ABCA4: variants seen among roughly 807,000 people sequenced by gnomAD.
ABCA4 encodes the protein ATP binding cassette subfamily A member 4, also known as retinal-specific phospholipid-transporting ATPase ABCA4.
Under a neutral mutation model 263.7 loss-of-function variants are expected in ABCA4, and 196 were observed. The ratio of observed to expected loss-of-function variants is 0.74; its 90% CI spans 0.66 to 0.84. The LOEUF is 0.84. Ranked by LOEUF, ABCA4 falls within the 40% of genes least tolerant of loss-of-function variation. The pLI is 0.00. For missense variants in ABCA4, 2,792 were observed against 2,855.1 expected, an observed-to-expected ratio of 0.98 and a Z score of 0.50; for synonymous variants, 1,133 against 1,094.2, an observed-to-expected ratio of 1.04 and a Z score of -0.70.
Position 94,030,949 on chromosome 1 carries a change from G to C in ABCA4, c.4253+47C>G, listed in dbSNP as rs184483315. The C allele has an allele frequency of 1.6e-3, 2,543 of 1,613,104 alleles. 42 individuals are homozygous for C. Among genetic ancestry groups the C allele is most frequent in the Non-Finnish European group, 1.1e-4 (128 of 1,179,690 alleles). ...GCCCTTCTAAGCAGCATGTGACCCA[G>C]GTGCCCCAAACCCACAGAGGAGAAT... is the stretch of plus-strand genomic sequence containing the variant. On this transcript the variant is annotated intron_variant, in intron 28 of 49. Coordinates refer to ENST00000370225, the MANE Select transcript of ABCA4 (RefSeq NM_000350.3).
chr1:94,005,285 A>C, intron 44 of ABCA4, 156 bp downstream of exon 44: 1 of 984,652 alleles, frequency 1.0e-6, no homozygotes, highest in South Asian at 1.5e-5. Context: ...GGTTTCTAGA[A>C]CAGTACTTGG....
In ABCA4 at chr1:94,021,376, C is replaced by T; in HGVS notation, c.4882G>A (p.Val1628Ile). 1 of 1,614,190 alleles carries T rather than the reference C, an allele frequency of 6.2e-7. No individual in the cohort carries two copies. Among genetic ancestry groups the T allele is most frequent in the Non-Finnish European group, 8.5e-7 (1 of 1,180,050 alleles). The change falls in exon 35 of 50, where the codon GTC (valine) becomes ATC (isoleucine). Residue 1628 changes from valine to isoleucine, a missense_variant. Physicochemically the swap from Val to Ile is conservative, Grantham distance 29. Coordinates refer to ENST00000370225, the MANE Select transcript of ABCA4 (RefSeq NM_000350.3). ...TTGTGGGCCACATTGAGAAAGCTGACCAGGGCATGCCAGCCTTTGTTATTA... is the reference window on the plus strand; with the variant it reads ...TTGTGGGCCACATTGAGAAAGCTGATCAGGGCATGCCAGCCTTTGTTATTA... ...WFNNKGWHALVSFLNVAHNAI... is the reference protein window; with the variant it reads ...WFNNKGWHALISFLNVAHNAI...
At chr1:94,112,404 T>TA (rs961520293) in intron 2 of ABCA4, among the ~76,000 whole-genome samples, 5 of 152,122 alleles carry the variant, frequency 3.3e-5, no homozygotes, top group African/African-American at 1.2e-4. Context: ...AGTTTAGGTA[T>TA]AAAAAAATAA....
chr1:94,023,861 A>G (rs1468421094), intron 31 of ABCA4, among the ~76,000 whole-genome samples: 3 of 152,216 alleles, frequency 2.0e-5, no homozygotes, highest in African/African-American at 7.2e-5. Flanking sequence ...AGGCACTGAC[A>G]TTCAGTCAAT....
chr1:94,021,028 C>T (rs1225066560), intron 35 of ABCA4, among the ~76,000 whole-genome samples: 1 of 152,250 alleles, frequency 6.6e-6, no homozygotes, highest in East Asian at 1.9e-4. Flanking sequence ...TGTAAACTTA[C>T]TTGCCACATA....
Position 94,021,220 on chromosome 1 carries a change from C to T in ABCA4, c.5018+20G>A, listed in dbSNP as rs752502551. On this transcript the variant is annotated intron_variant, in intron 35 of 49. Coordinates refer to ENST00000370225, the MANE Select transcript of ABCA4 (RefSeq NM_000350.3). ...AGAAGGTGACAAGAAAGTGGTGAGG[C>T]TGGGGCTGTGGTGGCTTACACTGTA... The T allele has an allele frequency of 6.2e-7, 1 of 1,614,046 alleles. No homozygotes were observed. Among genetic ancestry groups the T allele is most frequent in the Non-Finnish European group, 8.5e-7 (1 of 1,179,994 alleles).
chr1:94,118,888 G>C (rs1003660722), intron 1 of ABCA4, among the ~76,000 whole-genome samples: 1 of 152,222 alleles, frequency 6.6e-6, no homozygotes, highest in Non-Finnish European at 1.5e-5. Context: ...AGCGCCACAG[G>C]AATGGGCTCA....
intron 11 of ABCA4, among the ~76,000 whole-genome samples, chr1:94,064,572 G>A (rs147167252): frequency 3.3e-5 from 5 of 152,290 alleles, no homozygotes; most frequent in East Asian, 1.9e-4. Flanking sequence ...GAACCACTGC[G>A]GAGCTTTAAA....
chr1:94,015,985 A>G (rs1177810960), intron 36 of ABCA4, 131 bp from the exon 37 acceptor site: 1 of 815,262 alleles, frequency 1.2e-6, no homozygotes, highest in East Asian at 2.7e-5. Flanking sequence ...CTTTTTAAAC[A>G]GTTCTTGGTT....
At chr1:94,047,487 C>T (rs1432364378) in intron 18 of ABCA4, among the ~76,000 whole-genome samples, 1 of 152,190 alleles carries the variant, frequency 6.6e-6, no homozygotes, top group African/African-American at 2.4e-5. Flanking sequence ...TCAGAATGCA[C>T]TCACTGTCTA....
chr1:94,002,044 C>A (rs1571243189), intron 44 of ABCA4, 52 bp from the exon 45 acceptor site: 2 of 1,613,532 alleles, frequency 1.2e-6, no homozygotes, highest in East Asian at 4.5e-5. Flanking sequence ...ACACCCCAAA[C>A]CTCCCCCAGT....
chr1:94,046,999 C>G lies in ABCA4; in HGVS notation c.2838G>C (p.Val946=). The G allele has an allele frequency of 6.2e-7, 1 of 1,614,142 alleles. No individual in the cohort carries two copies. Among genetic ancestry groups the G allele is most frequent in the African/African-American group, 1.3e-5 (1 of 75,032 alleles). Residue 946 remains valine, a synonymous_variant, in exon 19 of 50, where the codon GTG becomes GTC. Transcript: ENST00000370225. The part of the protein sequence containing the change: ...KIFEPCGRPA[V]DRLNITFYEN... ...CGTAGAAGGTGATGTTCAGACGGTC[C>G]ACAGCTGGCCGGCCACAGGGCTCAA...
chr1:94,042,797 G>T lies in ABCA4; in HGVS notation c.3292C>A (p.Arg1098Ser). 6.2e-7 allele frequency: 1 copy of T among 1,614,206 alleles called. No homozygotes were observed. ...PTSGVDPYSR[R>S]SIWDLLLKYR... is the part of the protein sequence containing the mutation. ...TTCAGGAGCAGATCCCAGATTGAGC[G>T]TCTCGAGTAAGGGTCCACCCCAGAG... is the stretch of plus-strand genomic sequence containing the variant. The change falls in exon 22 of 50, where the codon CGC becomes AGC. Residue 1098 changes from arginine (R) to serine (S), a missense_variant. Transcript: ENST00000370225.
chr1:94,073,663 G>T (rs1159514035), intron 11 of ABCA4, among the ~76,000 whole-genome samples: 1 of 152,122 alleles, frequency 6.6e-6, no homozygotes, highest in African/African-American at 2.4e-5. Flanking sequence ...AGGCAGTGTG[G>T]GTCCAGAGAC....
intron 15 of ABCA4, 109 bp downstream of exon 15, chr1:94,056,492 G>A: frequency 8.1e-7 from 1 of 1,231,434 alleles, no homozygotes; most frequent in Non-Finnish European, 1.2e-6. Flanking sequence ...TTTAACCTTA[G>A]GTCAAAGGCA....
rs115048562 is a variant in ABCA4, at chr1:94,010,242, A to G, written c.5714+558T>C. 5.0e-3 allele frequency among the ~76,000 whole-genome samples: 762 copies of G among 152,314 alleles called. 4 individuals carry two copies. The highest frequency in any genetic ancestry group is 0.017 in the African/African-American group (727 of 41,570). On this transcript the variant is annotated intron_variant, in intron 40 of 49. Transcript: ENST00000370225. ...AGGCAGGGGCCCACCCAGCTTCAGGAAGAGCCTGCGGAAGAATGGCAATTG... is the reference window on the plus strand; with the variant it reads ...AGGCAGGGGCCCACCCAGCTTCAGGGAGAGCCTGCGGAAGAATGGCAATTG...
At chr1:94,085,615 T>C (rs896556483) in intron 6 of ABCA4, among the ~76,000 whole-genome samples, 8 of 152,156 alleles carry the variant, frequency 5.3e-5, no homozygotes, top group Non-Finnish European at 1.2e-4. Flanking sequence ...AATCCAGTCA[T>C]GTCGCTTTCC....
chr1:94,060,007 G>A (rs908229036), intron 14 of ABCA4, among the ~76,000 whole-genome samples: 1 of 152,154 alleles, frequency 6.6e-6, no homozygotes, highest in Non-Finnish European at 1.5e-5. Context: ...GAGAGGTGTT[G>A]GAGCTTTTTC....
In ABCA4 at chr1:94,079,478, G is replaced by T; in HGVS notation, c.1100-17C>A. 1 of 1,614,124 alleles carries T rather than the reference G, an allele frequency of 6.2e-7. No homozygotes were observed. Among genetic ancestry groups the T allele is most frequent in the Non-Finnish European group, 8.5e-7 (1 of 1,180,022 alleles). ...AAAAGGATGCTGCCAGGAGACAAGGGACAGATTTTACAGAAACTCCCCATT... is the reference window on the plus strand; with the variant it reads ...AAAAGGATGCTGCCAGGAGACAAGGTACAGATTTTACAGAAACTCCCCATT... On this transcript the variant is annotated splice_polypyrimidine_tract_variant and intron_variant, in intron 8 of 49. Coordinates refer to ENST00000370225, the MANE Select transcript of ABCA4 (RefSeq NM_000350.3).
Sources: gnomAD v4.1 joint callset for allele counts (sites outside exome capture counted in the v4.1 genomes callset) on GRCh38, gnomAD v4.1.1 for gene constraint, MANE v1.5 for transcripts, NCBI Gene and HGNC (gene_info 2026-07-23, HGNC 2026-07-21) for gene names.